Variants in LUZP2 observed in about 807,000 individuals in gnomAD.
LUZP2 encodes leucine zipper protein 2.
In LUZP2, 52 loss-of-function variants were observed where a neutral mutation model predicts 51.6. That is an observed-to-expected ratio of 1.01 (90% CI 0.81 to 1.27). LUZP2 has a LOEUF of 1.27. Ranked by LOEUF, LUZP2 falls within the 50% of genes most tolerant of loss-of-function variation. The probability of loss-of-function intolerance (pLI) is 0.00; values close to 1 mark genes in which losing one functional copy is unlikely to be tolerated. For synonymous variants in LUZP2, 154 were observed against 137.3 expected, an observed-to-expected ratio of 1.12 and a Z score of -0.85; for missense variants, 436 against 395.4, an observed-to-expected ratio of 1.10 and a Z score of -0.87.
chr11:24,654,427 T>C (rs1855733792), intron 1 of LUZP2, among the ~76,000 whole-genome samples: 1 of 152,164 alleles, frequency 6.6e-6, no homozygotes. Flanking sequence ...TTTGTTCATT[T>C]TGTTTTTCAG....
At chr11:24,983,626 G>T (rs988633718) in intron 9 of LUZP2, among the ~76,000 whole-genome samples, 5 of 151,544 alleles carry the variant, frequency 3.3e-5, no homozygotes, top group African/African-American at 1.2e-4. Context: ...TTGATATGGG[G>T]AATATTTTCT....
chr11:24,574,190 CT>C, intron 1 of LUZP2, among the ~76,000 whole-genome samples: 1 of 125,504 alleles, frequency 8.0e-6, no homozygotes, highest in African/African-American at 3.0e-5. Context: ...TCTTTTCTTT[CT>C]TTCTTTCTCT....
intron 7 of LUZP2, among the ~76,000 whole-genome samples, chr11:24,952,226 C>T (rs906962765): frequency 1.3e-5 from 2 of 151,402 alleles, no homozygotes; most frequent in East Asian, 1.9e-4. Flanking sequence ...ATCTATGTAT[C>T]GTGATCACAT....
At position 24,611,997 on chromosome 11, in the gene LUZP2, G is replaced by A. The variant is rs537311949; in HGVS notation, c.62+114692G>A. Among the ~76,000 whole-genome samples the A allele has an allele frequency of 2.0e-5, 3 of 152,244 alleles. No individual in the cohort carries two copies. In the South Asian group the frequency reaches 6.2e-4, roughly 32 times the overall value. The stretch of plus-strand genomic sequence containing the variant: ...CAGGAAGAAGCATTTTAGGATTTAT[G>A]TTTTTAAAAGATCATGTACTGAAAA... On this transcript the variant is annotated intron_variant, in intron 1 of 11. Transcript: ENST00000336930. This position sits in a 1 kb window ranked among gnomAD's most constrained non-coding sequence, Gnocchi z 4.6.
intron 1 of LUZP2, among the ~76,000 whole-genome samples, chr11:24,675,760 C>T (rs1180007316): frequency 2.7e-5 from 4 of 149,338 alleles, no homozygotes; most frequent in African/African-American, 9.8e-5. Context: ...CTACAAATCT[C>T]CTAATTAGTT....
intron 1 of LUZP2, among the ~76,000 whole-genome samples, chr11:24,631,941 A>G (rs1854907912): frequency 6.6e-6 from 1 of 152,054 alleles, no homozygotes; most frequent in South Asian, 2.1e-4. Flanking sequence ...TGTACCAATT[A>G]CCAAACCTGA....
intron 1 of LUZP2, among the ~76,000 whole-genome samples, chr11:24,726,740 G>A (rs1858490800): frequency 6.6e-6 from 1 of 152,068 alleles, no homozygotes; most frequent in African/African-American, 2.4e-5. Flanking sequence ...TATAGACATG[G>A]AAAGTGCTCT....
Position 24,518,550 on chromosome 11 carries a change from G to A in LUZP2, c.62+21245G>A, listed in dbSNP as rs149458963. The stretch of plus-strand genomic sequence containing the variant: ...AATTATTAAAGAGTATAGTTACTGA[G>A]TGTCCTTAGTCCATAAATAGTTTTT... On this transcript the variant is annotated intron_variant, in intron 1 of 11. Transcript: ENST00000336930. Among the ~76,000 whole-genome samples the A allele has an allele frequency of 9.7e-4, 148 of 152,294 alleles. 1 individual carries two copies. Among genetic ancestry groups the A allele is most frequent in the African/African-American group, 3.4e-3 (143 of 41,568 alleles).
At chr11:25,010,516 C>T (rs113086966) in intron 9 of LUZP2, among the ~76,000 whole-genome samples, 3,154 of 151,786 alleles carry the variant, frequency 0.021, 53 homozygotes, top group South Asian at 0.084. Context: ...CCAATGCACT[C>T]CAACCTGGAT....
At chr11:24,538,859 A>G (rs974969198) in intron 1 of LUZP2, among the ~76,000 whole-genome samples, 7 of 151,876 alleles carry the variant, frequency 4.6e-5, no homozygotes, top group African/African-American at 9.7e-5. Context: ...TTCAAAGGAC[A>G]TAACAATTTC....
At chr11:25,063,041 C>A (rs1435477514) in intron 10 of LUZP2, among the ~76,000 whole-genome samples, 1 of 150,420 alleles carries the variant, frequency 6.6e-6, no homozygotes, top group African/African-American at 2.4e-5. Context: ...AAAAAATACC[C>A]CAAATTAAAA....
At chr11:25,041,455 G>T (rs1858056453) in intron 9 of LUZP2, among the ~76,000 whole-genome samples, 1 of 151,930 alleles carries the variant, frequency 6.6e-6, no homozygotes, top group Admixed American at 6.6e-5. Context: ...CATATATAAG[G>T]GGTATTACTG....
intron 5 of LUZP2, among the ~76,000 whole-genome samples, chr11:24,794,704 T>C (rs1849503092): frequency 6.6e-6 from 1 of 152,134 alleles, no homozygotes; most frequent in Admixed American, 6.6e-5. Flanking sequence ...CAATTTTGCC[T>C]TTCTTTTACA....
At chr11:24,564,962 A>G (rs2133781394) in intron 1 of LUZP2, among the ~76,000 whole-genome samples, 1 of 152,298 alleles carries the variant, frequency 6.6e-6, no homozygotes, top group South Asian at 2.1e-4. Context: ...AACTGTACTA[A>G]AACCATCTAC....
At chr11:24,878,206 T>C (rs758609122) in intron 5 of LUZP2, among the ~76,000 whole-genome samples, 47 of 151,950 alleles carry the variant, frequency 3.1e-4, no homozygotes, top group Non-Finnish European at 5.6e-4. Context: ...GAACTCTCTT[T>C]AGCATTTCTT....
chr11:24,803,996 G>GAAAAAA (rs75845899), intron 5 of LUZP2, among the ~76,000 whole-genome samples: 1 of 106,076 alleles, frequency 9.4e-6, no homozygotes, highest in East Asian at 2.5e-4. Flanking sequence ...TGCCATAAAG[G>GAAAAAA]AAAAAAAAAA....
At chr11:24,966,675 A>G (rs529302664) in intron 7 of LUZP2, among the ~76,000 whole-genome samples, 125 of 147,946 alleles carry the variant, frequency 8.4e-4, no homozygotes, top group Admixed American at 3.1e-3. Flanking sequence ...TACATTGTGA[A>G]ATATATATTT....
intron 5 of LUZP2, among the ~76,000 whole-genome samples, chr11:24,825,489 A>G (rs954625656): frequency 6.6e-6 from 1 of 152,190 alleles, no homozygotes; most frequent in Non-Finnish European, 1.5e-5. Flanking sequence ...GTCTTTGTAC[A>G]CAATGATCTT....
intron 9 of LUZP2, among the ~76,000 whole-genome samples, chr11:25,026,562 A>G (rs1857498072): frequency 6.6e-6 from 1 of 152,086 alleles, no homozygotes; most frequent in Non-Finnish European, 1.5e-5. Flanking sequence ...AATTTTTACA[A>G]ATGTCCAGTA....
Sources: gnomAD v4.1 joint callset for allele counts (sites outside exome capture counted in the v4.1 genomes callset) on GRCh38, gnomAD v4.1.1 for gene constraint, Gnocchi (gnomAD v3.1) non-coding constraint, MANE v1.5 for transcripts, NCBI Gene and HGNC (gene_info 2026-07-23, HGNC 2026-07-21) for gene names.